HTR2C: variants seen among roughly 807,000 people sequenced by gnomAD.
The protein encoded by HTR2C is 5-hydroxytryptamine (serotonin) receptor 2C, G protein-coupled.
A neutral mutation model predicts 21.0 loss-of-function variants in HTR2C; 5 were observed. The ratio of observed to expected loss-of-function variants is 0.24; its 90% CI spans 0.12 to 0.50. The LOEUF is 0.50. Ranked by LOEUF, HTR2C falls within the 20% of genes least tolerant of loss-of-function variation. The pLI is 0.98. For missense variants in HTR2C, 271 were observed against 371.2 expected (o/e 0.73, Z 2.22); for synonymous variants, 150 against 145.3 (o/e 1.03, Z -0.23).
Position 114,848,149 on chromosome X carries a change from A to G in HTR2C, c.496A>G (p.Asn166Asp), listed in dbSNP as rs1556468191. The G allele has an allele frequency of 8.3e-7, 1 of 1,210,151 alleles. No homozygotes were observed. Among genetic ancestry groups the G allele is most frequent in the East Asian group, 3.0e-5 (1 of 33,783 alleles). ...TAATCCTATTGAGCATAGCCGTTTCAATTCGCGGACTAAGGCCATCATGAA... is the reference window on the plus strand; with the variant it reads ...TAATCCTATTGAGCATAGCCGTTTCGATTCGCGGACTAAGGCCATCATGAA... ...IRNPIEHSRFNSRTKAIMKIA... is the reference protein window; with the variant it reads ...IRNPIEHSRFDSRTKAIMKIA... The change falls in exon 5 of 6, where the codon AAT (asparagine) becomes GAT (aspartate). Residue 166 changes from asparagine to aspartate, a missense_variant. By Grantham distance (23) the Asn-to-Asp change is conservative (BLOSUM62 1). Transcript: ENST00000276198.
rs147146129 is a variant in HTR2C at position 114,697,011 on chromosome X, T to G, written c.-79-29847T>G. On this transcript the variant is annotated intron_variant, in intron 2 of 5. Transcript: ENST00000276198. ...AGCTTTCTCCTGGGAAGCCATCAGCTCTTTGCCTTTTCTCGAATTTAAGAT... is the reference window on the plus strand; with the variant it reads ...AGCTTTCTCCTGGGAAGCCATCAGCGCTTTGCCTTTTCTCGAATTTAAGAT... Among the ~76,000 whole-genome samples, 8 of 111,720 alleles carry G rather than the reference T, an allele frequency of 7.2e-5. No individual in the cohort carries two copies. In the East Asian group the frequency reaches 2.3e-3, roughly 31 times the overall value.
intron 4 of HTR2C, chrX:114,775,156 G>A (rs2070044076): frequency 1.9e-6 from 1 of 523,197 alleles, no homozygotes. Context: ...TGAATTCTTG[G>A]ATGACACTTT....
chrX:114,643,674 CAG>C (rs1324220254), intron 2 of HTR2C, among the ~76,000 whole-genome samples: 1 of 111,532 alleles, frequency 9.0e-6, no homozygotes, highest in Non-Finnish European at 1.9e-5. Flanking sequence ...AATTAGAACA[CAG>C]AGCTCCTTGC....
At chrX:114,729,239 CAT>C (rs2069512993) in intron 3 of HTR2C, among the ~76,000 whole-genome samples, 1 of 111,918 alleles carries the variant, frequency 8.9e-6, no homozygotes, top group South Asian at 3.7e-4. Flanking sequence ...ATATAGCAAA[CAT>C]AAAATGCTTT....
intron 4 of HTR2C, among the ~76,000 whole-genome samples, chrX:114,786,173 T>G (rs1439310897): frequency 1.8e-5 from 2 of 111,843 alleles, no homozygotes; most frequent in Non-Finnish European, 3.8e-5. Context: ...GTGACAATAC[T>G]TATGTTGGCA....
intron 4 of HTR2C, among the ~76,000 whole-genome samples, chrX:114,747,709 G>A (rs1466217702): frequency 1.8e-5 from 2 of 112,582 alleles, no homozygotes; most frequent in African/African-American, 3.2e-5. Context: ...TTGTTCTGAT[G>A]AAGCAAGCTG....
At chrX:114,902,564 G>C (rs1394173273) in intron 5 of HTR2C, among the ~76,000 whole-genome samples, 2 of 110,823 alleles carry the variant, frequency 1.8e-5, no homozygotes, top group African/African-American at 6.6e-5. Flanking sequence ...ACAAATCAGA[G>C]AGAAAACAGG....
chrX:114,636,931 G>A (rs782490026), intron 2 of HTR2C, among the ~76,000 whole-genome samples: 6 of 112,146 alleles, frequency 5.4e-5, no homozygotes, highest in Non-Finnish European at 9.4e-5. Context: ...CACAGAACAC[G>A]TTGTAAACGT....
chrX:114,725,764 G>A (rs1440761150), intron 2 of HTR2C, among the ~76,000 whole-genome samples: 1 of 110,660 alleles, frequency 9.0e-6, no homozygotes, highest in Non-Finnish European at 1.9e-5. Context: ...GTCTTTTGGA[G>A]TACCCGGCCG....
intron 4 of HTR2C, among the ~76,000 whole-genome samples, chrX:114,823,969 CAGCCT>C (rs1556457348): frequency 8.9e-6 from 1 of 111,790 alleles, no homozygotes; most frequent in Non-Finnish European, 1.9e-5. Flanking sequence ...TCCTGAAAAG[CAGCCT>C]AGAATTTCAA....
intron 1 of HTR2C, among the ~76,000 whole-genome samples, chrX:114,605,287 A>G (rs1400059117): frequency 1.8e-5 from 2 of 111,475 alleles, no homozygotes; most frequent in Non-Finnish European, 3.8e-5. Context: ...GGGAGGTGAT[A>G]AAAAGATTAT....
intron 2 of HTR2C, among the ~76,000 whole-genome samples, chrX:114,621,720 G>A (rs1929172337): frequency 8.9e-6 from 1 of 111,873 alleles, no homozygotes; most frequent in East Asian, 2.8e-4. Context: ...AAAGATGTAA[G>A]CCAGCAACAG....
At chrX:114,681,526 G>A (rs1456725639) in intron 2 of HTR2C, among the ~76,000 whole-genome samples, 1 of 110,933 alleles carries the variant, frequency 9.0e-6, no homozygotes, top group Non-Finnish European at 1.9e-5. Context: ...AACACTGCAA[G>A]AAACAAAAGG....
chrX:114,704,114 G>A (rs1213930129), intron 2 of HTR2C, among the ~76,000 whole-genome samples: 2 of 111,468 alleles, frequency 1.8e-5, no homozygotes, highest in South Asian at 3.8e-4. Context: ...ATTCACAGCT[G>A]AATTCTACTG....
chrX:114,861,190 A>G (rs2071003699), intron 5 of HTR2C, among the ~76,000 whole-genome samples: 1 of 110,919 alleles, frequency 9.0e-6, no homozygotes, highest in East Asian at 2.9e-4. Context: ...GTGTCTCCCC[A>G]TCACCCAACT....
intron 2 of HTR2C, among the ~76,000 whole-genome samples, chrX:114,660,867 G>A (rs782290171): frequency 9.8e-5 from 11 of 111,865 alleles, no homozygotes; most frequent in Admixed American, 4.8e-4. Context: ...CCTCTAAACC[G>A]GTAGCAAGTC....
intron 2 of HTR2C, among the ~76,000 whole-genome samples, chrX:114,672,953 T>C (rs1556412024): frequency 8.9e-6 from 1 of 112,094 alleles, no homozygotes; most frequent in Non-Finnish European, 1.9e-5. Context: ...TGGAGGCTCA[T>C]CTAATTGCAC....
At chrX:114,820,296 A>G (rs1338416097) in intron 4 of HTR2C, among the ~76,000 whole-genome samples, 4 of 110,258 alleles carry the variant, frequency 3.6e-5, no homozygotes, top group African/African-American at 1.3e-4. Flanking sequence ...GGAATGTATA[A>G]TAGTCACATC....
intron 2 of HTR2C, among the ~76,000 whole-genome samples, chrX:114,659,073 T>C (rs1382619390): frequency 9.0e-6 from 1 of 111,130 alleles, no homozygotes. Context: ...CATGTCCTTC[T>C]TCACGTGCTG....
Sources: gnomAD v4.1 joint callset for allele counts (sites outside exome capture counted in the v4.1 genomes callset) on GRCh38, gnomAD v4.1.1 for gene constraint, MANE v1.5 for transcripts, NCBI Gene and HGNC (gene_info 2026-07-23, HGNC 2026-07-21) for gene names.